Variants in PKP2 observed in about 807,000 individuals in gnomAD.
The protein encoded by PKP2 is plakophilin-2.
Under a neutral mutation model 83.4 loss-of-function variants are expected in PKP2, and 73 were observed. The ratio of observed to expected loss-of-function variants is 0.88; its 90% CI spans 0.72 to 1.06. The LOEUF is 1.06. Ranked by LOEUF, PKP2 falls within the 50% of genes least tolerant of loss-of-function variation. The probability of loss-of-function intolerance (pLI) is 0.00; values close to 1 mark genes in which losing one functional copy is unlikely to be tolerated. For synonymous variants in PKP2, 409 were observed against 430.4 expected (o/e 0.95, Z 0.62); for missense variants, 966 against 1,065.4 (o/e 0.91, Z 1.30).
chr12:32,869,558 C>T (rs1956880197), intron 3 of PKP2, among the ~76,000 whole-genome samples: 1 of 148,550 alleles, frequency 6.7e-6, no homozygotes, highest in African/African-American at 2.5e-5. Flanking sequence ...GAGATAGTGC[C>T]ACTTCACTCC....
Position 32,878,925 on chromosome 12 carries a change from G to A in PKP2, c.331C>T (p.Leu111=), listed in dbSNP as rs1336393429. 6.6e-7 allele frequency: 1 copy of A among 1,523,816 alleles called. No homozygotes were observed. The highest frequency in any genetic ancestry group is 9.1e-7 in the Non-Finnish European group (1 of 1,099,462). The allele number at this position is 1,523,816 out of a possible 1,614,324, so 94.4% of individuals were successfully genotyped here. Residue 111 remains leucine (L), a synonymous_variant, in exon 2 of 13, where the codon CTA becomes TTA. Transcript: ENST00000340811. ...TACATTCTTTGATATCCTACCTTTA[G>A]CATGTCATAGGTTTTAGGAACAGGG... ...RSPVPKTYDM[L]KAGTTATYEG...
chr12:32,868,321 C>T (rs1956867392), intron 4 of PKP2, among the ~76,000 whole-genome samples: 1 of 152,056 alleles, frequency 6.6e-6, no homozygotes, highest in Non-Finnish European at 1.5e-5. Flanking sequence ...TCAAGCAATT[C>T]TCCTGCCTCA....
At chr12:32,797,067 C>A (rs1265020077) in intron 10 of PKP2, among the ~76,000 whole-genome samples, 2 of 152,028 alleles carry the variant, frequency 1.3e-5, no homozygotes, top group African/African-American at 4.8e-5. Flanking sequence ...CAAAACCTAT[C>A]TATGAAGCAT....
rs762825735 is a variant in PKP2, at chr12:32,878,968, A to C, written c.288T>G (p.Asp96Glu). 7.5e-6 allele frequency: 12 copies of C among 1,609,244 alleles called. No individual in the cohort carries two copies. In the East Asian group the frequency reaches 2.7e-4, roughly 36 times the overall value. The change falls in exon 2 of 13, where the codon GAT becomes GAG. Residue 96 changes from aspartate to glutamate, a missense_variant. By Grantham distance (45) the Asp-to-Glu change is conservative. Coordinates refer to ENST00000340811, the MANE Select transcript of PKP2 (RefSeq NM_001005242.3). ...YVYNLHLVENDFVGGRSPVPK... is the reference protein window; with the variant it reads ...YVYNLHLVENEFVGGRSPVPK... ...GAACAGGGGAACGGCCTCCAACAAA[A>C]TCATTTTCAACCAAGTGTAGGTTGT...
intron 4 of PKP2, among the ~76,000 whole-genome samples, chr12:32,856,297 C>T (rs900649354): frequency 3.9e-5 from 6 of 151,988 alleles, no homozygotes; most frequent in African/African-American, 1.5e-4. Flanking sequence ...GAAAGGTCTC[C>T]CTGGGGGCTG....
intron 1 of PKP2, among the ~76,000 whole-genome samples, chr12:32,886,958 C>T (rs1957035797): frequency 6.6e-6 from 1 of 151,558 alleles, no homozygotes; most frequent in East Asian, 1.9e-4. Flanking sequence ...GAGGTTGGGC[C>T]ACTGCACTCC....
Position 32,877,898 on chromosome 12 carries a change from C to T in PKP2, c.982G>A (p.Gly328Arg), listed in dbSNP as rs773517387. 7.4e-6 allele frequency: 12 copies of T among 1,614,050 alleles called. 1 individual carries two copies. The South Asian group carries it at 8.8e-5, about 12-fold the overall frequency. The change falls in exon 3 of 13, where the codon GGA becomes AGA. Residue 328 changes from glycine to arginine, a missense_variant. Physicochemically the swap from Gly to Arg is moderately radical, Grantham distance 125. Coordinates refer to ENST00000340811, the MANE Select transcript of PKP2 (RefSeq NM_001005242.3). ...CTCTCAGTGAGCAGATTCCCACTTCCCCCTGCGGCCGCCTGGCCGACAGTC... is the reference window on the plus strand; with the variant it reads ...CTCTCAGTGAGCAGATTCCCACTTCTCCCTGCGGCCGCCTGGCCGACAGTC... ...HLTVGQAAAG[G>R]SGNLLTERST...
At chr12:32,852,511 A>C (rs1314641245) in intron 4 of PKP2, among the ~76,000 whole-genome samples, 1 of 152,234 alleles carries the variant, frequency 6.6e-6, no homozygotes, top group African/African-American at 2.4e-5. Context: ...CATCATAATA[A>C]AGCAAAAATT....
At chr12:32,858,475 G>A (rs79688317) in intron 4 of PKP2, among the ~76,000 whole-genome samples, 6,346 of 151,936 alleles carry the variant, frequency 0.042, 211 homozygotes, top group Non-Finnish European at 0.062. Flanking sequence ...TTCTTCCTAC[G>A]GAACAAATAG....
intron 4 of PKP2, among the ~76,000 whole-genome samples, chr12:32,858,613 T>C (rs761124758): frequency 1.3e-5 from 2 of 152,110 alleles, no homozygotes; most frequent in African/African-American, 4.8e-5. Context: ...TTTAGTTTGA[T>C]CTCATAAGAA....
Position 32,850,815 on chromosome 12 carries a change from G to C in PKP2, c.1329C>G (p.Leu443=), listed in dbSNP as rs1365569704. 6.2e-7 allele frequency: 1 copy of C among 1,613,330 alleles called. No individual in the cohort carries two copies. Among genetic ancestry groups the C allele is most frequent in the East Asian group, 2.2e-5 (1 of 44,874 alleles). The change falls in exon 5 of 13, where the codon CTC becomes CTG. Residue 443 remains leucine (L), a synonymous_variant. Transcript: ENST00000340811. ...AGTCTCTGGTTTGCTTCAGCACCTG[G>C]AGCAGCCGAGGTACCCCATTTAGTT... The part of the protein sequence containing the change: ...VAELNGVPRL[L]QVLKQTRDLE...
intron 9 of PKP2, among the ~76,000 whole-genome samples, chr12:32,808,370 C>G (rs574018026): frequency 6.6e-6 from 1 of 152,272 alleles, no homozygotes; most frequent in Non-Finnish European, 1.5e-5. Flanking sequence ...TTTTTCAGCT[C>G]CATCAAGTCA....
At chr12:32,817,310 C>T (rs773215845) in intron 9 of PKP2, among the ~76,000 whole-genome samples, 26 of 152,184 alleles carry the variant, frequency 1.7e-4, no homozygotes, top group Non-Finnish European at 3.4e-4. Context: ...AACGTTAAGA[C>T]CTCAAAATGT....
intron 1 of PKP2, among the ~76,000 whole-genome samples, chr12:32,881,917 G>C (rs1956989955): frequency 6.6e-6 from 1 of 152,196 alleles, no homozygotes; most frequent in East Asian, 1.9e-4. Flanking sequence ...GGGCCAGGCT[G>C]CTGTGGGAAA....
rs758834771 is a variant in PKP2 at position 32,796,250 on chromosome 12, G to A, written c.2216C>T (p.Pro739Leu). 4.3e-6 allele frequency: 7 copies of A among 1,613,582 alleles called. No individual in the cohort carries two copies. The highest frequency in any genetic ancestry group is 1.1e-5 in the South Asian group (1 of 91,060). ...AGTTTCAATGAGAAGGTCAGTACTC[G>A]GGACTGTGTCAGGAATGATGGAAAC... ...DLVSIIPDTV[P>L]STDLLIETTA... The change falls in exon 11 of 13, where the codon CCG becomes CTG. Residue 739 changes from proline (P) to leucine (L), a missense_variant. By Grantham distance (98) the Pro-to-Leu change is moderately conservative (BLOSUM62 -3). Transcript: ENST00000340811.
At chr12:32,887,908 G>A (rs1027946728) in intron 1 of PKP2, among the ~76,000 whole-genome samples, 5 of 152,054 alleles carry the variant, frequency 3.3e-5, no homozygotes, top group Non-Finnish European at 5.9e-5. Context: ...AGCCAGGCAC[G>A]GTGGCTCATG....
At chr12:32,889,122 C>A (rs1308693742) in intron 1 of PKP2, among the ~76,000 whole-genome samples, 1 of 152,036 alleles carries the variant, frequency 6.6e-6, no homozygotes, top group Non-Finnish European at 1.5e-5. Context: ...ATAAGGGACA[C>A]AACTGAACTA....
At chr12:32,842,432 G>A (rs1441864166) in intron 5 of PKP2, among the ~76,000 whole-genome samples, 3 of 151,558 alleles carry the variant, frequency 2.0e-5, no homozygotes, top group Admixed American at 6.6e-5. Flanking sequence ...CGGTAGAGAC[G>A]GGTTTCACCA....
In PKP2 at chr12:32,792,352, T is replaced by G. The variant is rs1478545825; in HGVS notation, c.*72A>C. On this transcript the variant is annotated 3_prime_UTR_variant, in exon 13 of 13. Coordinates refer to ENST00000340811, the MANE Select transcript of PKP2 (RefSeq NM_001005242.3). ...AACAAGGCATGCTTTTGAGGTTTCT[T>G]GGGCTGGGTAGTAGAAAAATAGGTG... The G allele has an allele frequency of 2.9e-5, 31 of 1,087,428 alleles. No individual in the cohort carries two copies. The highest frequency in any genetic ancestry group is 4.3e-5 in the Non-Finnish European group (30 of 699,924). 67.4% of individuals were successfully genotyped at this position (1,087,428 alleles called of 1,614,324 possible). A position where few individuals can be genotyped will look rare whatever the true frequency, so the allele number is the denominator to read the frequency against.
Sources: gnomAD v4.1 joint callset for allele counts (sites outside exome capture counted in the v4.1 genomes callset) on GRCh38, gnomAD v4.1.1 for gene constraint, MANE v1.5 for transcripts, NCBI Gene and HGNC (gene_info 2026-07-23, HGNC 2026-07-21) for gene names.